The following KIZ variants were observed in gnomAD, a reference collection of about 807,000 sequenced individuals.
KIZ encodes the protein centrosomal protein kizuna.
Under a neutral mutation model 79.6 loss-of-function variants are expected in KIZ, and 68 were observed. The ratio of observed to expected loss-of-function variants is 0.85; its 90% CI spans 0.70 to 1.05. KIZ has a LOEUF of 1.05. Among genes scored for constraint, KIZ ranks in the 50% least tolerant of loss-of-function variants. The probability of loss-of-function intolerance (pLI) is 0.00; values close to 1 mark genes in which losing one functional copy is unlikely to be tolerated. For missense variants in KIZ, 797 were observed against 800.4 expected (o/e 1.00, Z 0.05); for synonymous variants, 280 against 281.8 (o/e 0.99, Z 0.06).
At chr20:21,191,810 G>T (rs2035117141) in intron 6 of KIZ, among the ~76,000 whole-genome samples, 4 of 149,652 alleles carry the variant, frequency 2.7e-5, no homozygotes, top group Admixed American at 2.7e-4. Flanking sequence ...AGTTTGTTTT[G>T]TTTTTTGGAG....
intron 6 of KIZ, among the ~76,000 whole-genome samples, chr20:21,174,017 A>T (rs1326957487): frequency 6.6e-6 from 1 of 152,172 alleles, no homozygotes; most frequent in Non-Finnish European, 1.5e-5. Context: ...GTCTCAGAAG[A>T]CGCTGCAGGG....
intron 6 of KIZ, among the ~76,000 whole-genome samples, chr20:21,202,658 T>TG (rs2123151509): frequency 6.6e-6 from 1 of 152,338 alleles, no homozygotes; most frequent in African/African-American, 2.4e-5. Flanking sequence ...GATTTTATTA[T>TG]GAAATTTTTC....
intron 6 of KIZ, among the ~76,000 whole-genome samples, chr20:21,177,366 A>G (rs2034479906): frequency 3.3e-5 from 5 of 151,972 alleles, no homozygotes; most frequent in Admixed American, 1.3e-4. Context: ...TTGGCCATTT[A>G]TATGTTTTAT....
chr20:21,170,888 G>T (rs942264088), intron 6 of KIZ, among the ~76,000 whole-genome samples: 5 of 152,088 alleles, frequency 3.3e-5, no homozygotes, highest in African/African-American at 4.8e-5. Flanking sequence ...GTCTTTCTGT[G>T]CCTGGCTTAA....
intron 6 of KIZ, among the ~76,000 whole-genome samples, chr20:21,183,976 A>G (rs1179130202): frequency 6.6e-6 from 1 of 152,066 alleles, no homozygotes; most frequent in Non-Finnish European, 1.5e-5. Flanking sequence ...CATCCCCTAC[A>G]CAATCACTGA....
Position 21,148,325 on chromosome 20 carries a change from G to A in KIZ, c.405+2671G>A, listed in dbSNP as rs56939658. ...CAAGAAAAGTCATCAAGTGGTGTGT[G>A]TCCATTTTTTAAATATAAAAACTCT... On this transcript the variant is annotated intron_variant, in intron 4 of 12. Transcript: ENST00000619189. Among the ~76,000 whole-genome samples, 747 of 152,272 alleles carry A rather than the reference G, an allele frequency of 4.9e-3. 3 individuals are homozygous for A. Among genetic ancestry groups the A allele is most frequent in the African/African-American group, 0.017 (713 of 41,552 alleles).
At chr20:21,232,978 C>T (rs1377934464) in intron 11 of KIZ, 148 bp downstream of exon 11, 1 of 604,224 alleles carries the variant, frequency 1.7e-6, no homozygotes, top group African/African-American at 1.9e-5. Flanking sequence ...ACAGTTGAAA[C>T]TTTAGTCTAC....
intron 1 of KIZ, among the ~76,000 whole-genome samples, chr20:21,127,856 A>G (rs16982490): frequency 0.016 from 2,473 of 152,326 alleles, 68 homozygotes; most frequent in African/African-American, 0.056. Context: ...CTAATATGCA[A>G]AGTAAGGCCA....
chr20:21,238,128 G>A (rs1374560209), intron 11 of KIZ, among the ~76,000 whole-genome samples: 7 of 152,112 alleles, frequency 4.6e-5, no homozygotes, highest in African/African-American at 1.7e-4. Flanking sequence ...CATGCCCAGC[G>A]GCAGGTTTCT....
At chr20:21,153,711 G>A (rs939976589) in intron 4 of KIZ, among the ~76,000 whole-genome samples, 3 of 152,106 alleles carry the variant, frequency 2.0e-5, no homozygotes, top group Admixed American at 6.5e-5. Flanking sequence ...CAACAGGGTC[G>A]CTTTCTGGTG....
chr20:21,211,405 G>A (rs886100544), intron 7 of KIZ, among the ~76,000 whole-genome samples: 5 of 152,166 alleles, frequency 3.3e-5, no homozygotes, highest in African/African-American at 7.2e-5. Context: ...TGGTTTGTTC[G>A]TACTGACTTA....
intron 9 of KIZ, among the ~76,000 whole-genome samples, chr20:21,224,880 T>C (rs2123393822): frequency 6.6e-6 from 1 of 152,364 alleles, no homozygotes; most frequent in South Asian, 2.1e-4. Context: ...TTGAGGCTTT[T>C]TCTTTCTCCT....
intron 6 of KIZ, chr20:21,196,883 A>G (rs1303215712): frequency 6.6e-6 from 1 of 152,220 alleles, no homozygotes; most frequent in Non-Finnish European, 1.5e-5. Flanking sequence ...TCACCCTCCA[A>G]TAGATGGACC....
At chr20:21,225,599 G>A (rs569909313) in intron 9 of KIZ, among the ~76,000 whole-genome samples, 1 of 152,150 alleles carries the variant, frequency 6.6e-6, no homozygotes, top group Non-Finnish European at 1.5e-5. Context: ...AACTTCTAGA[G>A]TCATTACTTT....
At chr20:21,166,748 G>A (rs374809631) in intron 6 of KIZ, among the ~76,000 whole-genome samples, 39 of 151,216 alleles carry the variant, frequency 2.6e-4, no homozygotes, top group Non-Finnish European at 3.2e-4. Flanking sequence ...GTGAGCCACC[G>A]CACCTGGCCA....
At chr20:21,177,520 T>C (rs1400353526) in intron 6 of KIZ, among the ~76,000 whole-genome samples, 6 of 152,160 alleles carry the variant, frequency 3.9e-5, no homozygotes, top group Admixed American at 3.9e-4. Flanking sequence ...TTTCTCTCAT[T>C]CAGTAGATTG....
intron 11 of KIZ, among the ~76,000 whole-genome samples, chr20:21,239,785 G>A (rs964782775): frequency 6.6e-6 from 1 of 152,200 alleles, no homozygotes; most frequent in African/African-American, 2.4e-5. Context: ...GCTGCTCTCG[G>A]ATAAAACCTA....
rs2032306398 is a variant in KIZ at position 21,138,140 on chromosome 20, A to G, written c.315+1588A>G. On this transcript the variant is annotated intron_variant, in intron 3 of 12. Transcript: ENST00000619189. ...CCCAAAAAGTAACTTATTTTTCCAGACTAGGAGCCAACTAGGGCTCATGTA... is the reference window on the plus strand; with the variant it reads ...CCCAAAAAGTAACTTATTTTTCCAGGCTAGGAGCCAACTAGGGCTCATGTA... Among the ~76,000 whole-genome samples the G allele has an allele frequency of 2.6e-5, 4 of 152,270 alleles. No individual in the cohort carries two copies. In the East Asian group the frequency reaches 5.8e-4, roughly 22 times the overall value.
intron 9 of KIZ, among the ~76,000 whole-genome samples, chr20:21,224,667 T>A (rs772134549): frequency 6.6e-6 from 1 of 152,234 alleles, no homozygotes; most frequent in Non-Finnish European, 1.5e-5. Flanking sequence ...TCTTCTTTTT[T>A]TCATTAAGGA....
Sources: gnomAD v4.1 joint callset for allele counts (sites outside exome capture counted in the v4.1 genomes callset) on GRCh38, gnomAD v4.1.1 for gene constraint, MANE v1.5 for transcripts, NCBI Gene and HGNC (gene_info 2026-07-23, HGNC 2026-07-21) for gene names.